ZDHHC8: variants seen among roughly 807,000 people sequenced by gnomAD.
ZDHHC8 encodes the protein zDHHC palmitoyltransferase 8, also known as palmitoyltransferase ZDHHC8.
A neutral mutation model predicts 61.2 loss-of-function variants in ZDHHC8; 24 were observed. The ratio of observed to expected loss-of-function variants is 0.39; its 90% CI spans 0.28 to 0.55. The LOEUF (loss-of-function observed/expected upper bound fraction) is 0.55, where lower values mean the gene tolerates loss of function less well. Ranked by LOEUF, ZDHHC8 falls within the 20% of genes least tolerant of loss-of-function variation. The pLI is 0.60. For synonymous variants in ZDHHC8, 523 were observed against 492.5 expected, an observed-to-expected ratio of 1.06 and a Z score of -0.82; for missense variants, 935 against 1,102.1, an observed-to-expected ratio of 0.85 and a Z score of 2.15.
At chr22:20,142,606 G>A in intron 9 of ZDHHC8, 150 bp from the exon 10 acceptor site, 1 of 1,042,494 alleles carries the variant, frequency 9.6e-7, no homozygotes, top group South Asian at 1.6e-5. Flanking sequence ...GATGCTCAGG[G>A]ACAGGGCCAT....
At chr22:20,136,062 G>A (rs1240770913) in intron 1 of ZDHHC8, among the ~76,000 whole-genome samples, 4 of 152,256 alleles carry the variant, frequency 2.6e-5, no homozygotes, top group South Asian at 4.1e-4. Context: ...GGTGGTGCAT[G>A]TCCCTGCCTG....
chr22:20,140,305 C>A (rs2050457063), intron 5 of ZDHHC8, 88 bp downstream of exon 5: 3 of 1,323,996 alleles, frequency 2.3e-6, no homozygotes, highest in Admixed American at 2.1e-5. Context: ...GGCACCCTTG[C>A]CTGAGGTAGC....
chr22:20,132,960 C>T (rs764175597), intron 1 of ZDHHC8, among the ~76,000 whole-genome samples: 7 of 152,198 alleles, frequency 4.6e-5, no homozygotes, highest in Non-Finnish European at 7.3e-5. Flanking sequence ...CCAGGTGGCA[C>T]GAACGATGGC....
chr22:20,145,121 G>C, intron 10 of ZDHHC8, 108 bp from the exon 11 acceptor site: 1 of 1,072,998 alleles, frequency 9.3e-7, no homozygotes, highest in South Asian at 2.1e-5. Context: ...CAACTCGGCT[G>C]CACTAGTCCA....
In ZDHHC8 at chr22:20,131,820, TCCGCCGCCG is replaced by T. The variant is rs545014283; in HGVS notation, c.-111_-103del. 2.7e-5 allele frequency: 7 copies of T among 259,926 alleles called. No individual in the cohort carries two copies. Among genetic ancestry groups the T allele is most frequent in the Non-Finnish European group, 4.1e-5 (7 of 170,470 alleles). 16.1% of individuals were successfully genotyped at this position (259,926 alleles called of 1,614,324 possible). A position where few individuals can be genotyped will look rare whatever the true frequency, so the allele number is the denominator to read the frequency against. On this transcript the variant is annotated 5_prime_UTR_variant, in exon 1 of 11. Coordinates refer to ENST00000334554, the MANE Select transcript of ZDHHC8 (RefSeq NM_013373.4). Reference sequence around the variant, plus strand: ...CCGCCGCCCGTGGGGTGGGATTTCCTCCGCCGCCGCCGCCGCCGCCGCCGCGGGTCCTGC... The same window carrying T: ...CCGCCGCCCGTGGGGTGGGATTTCCTCCGCCGCCGCCGCCGCGGGTCCTGC...
chr22:20,133,341 G>T (rs1408822393), intron 1 of ZDHHC8, among the ~76,000 whole-genome samples: 1 of 152,136 alleles, frequency 6.6e-6, no homozygotes, highest in Admixed American at 6.5e-5. Context: ...GCCCAGCCCA[G>T]TGCTGGTCCC....
intron 1 of ZDHHC8, among the ~76,000 whole-genome samples, chr22:20,137,672 C>T (rs1320118227): frequency 6.6e-6 from 1 of 152,262 alleles, no homozygotes. Flanking sequence ...CTCCACAGGC[C>T]CTGCCTCTCC....
Position 20,145,632 on chromosome 22 carries a change from G to A in ZDHHC8, c.*232G>A. The stretch of plus-strand genomic sequence containing the variant: ...TCACTGGGACAAGGGCCACTGGGCT[G>A]GTCTGTGTCTGGGCCTGTCCCATGG... On this transcript the variant is annotated 3_prime_UTR_variant, in exon 11 of 11. Coordinates refer to ENST00000334554, the MANE Select transcript of ZDHHC8 (RefSeq NM_013373.4). The A allele has an allele frequency of 8.4e-7, 1 of 1,193,964 alleles. No individual in the cohort carries two copies. The highest frequency in any genetic ancestry group is 1.0e-6 in the Non-Finnish European group (1 of 960,602). 74.0% of individuals were successfully genotyped at this position (1,193,964 alleles called of 1,614,324 possible).
rs201579380 is a variant in ZDHHC8 at position 20,143,472 on chromosome 22, C to T, written c.1842C>T (p.Pro614=). The part of the protein sequence containing the change: ...YGSRDDLVAG[P]GFGGARNPAL... ...CCAGAGACGACCTTGTGGCTGGGCC[C>T]GGCTTCGGTGGCGCCCGCAACCCTG... The change falls in exon 10 of 11, where the codon CCC becomes CCT. Residue 614 remains proline (P), a synonymous_variant. Coordinates refer to ENST00000334554, the MANE Select transcript of ZDHHC8 (RefSeq NM_013373.4). 2.1e-4 allele frequency: 329 copies of T among 1,600,348 alleles called. 1 individual carries two copies. Among genetic ancestry groups the T allele is most frequent in the South Asian group, 5.0e-4 (45 of 90,902 alleles).
At position 20,140,980 on chromosome 22, in the gene ZDHHC8, A is replaced by G; in HGVS notation, c.862A>G (p.Asn288Asp). The change falls in exon 7 of 11, where the codon AAC becomes GAC. Residue 288 changes from asparagine (N) to aspartate (D), a missense_variant. Physicochemically the swap from Asn to Asp is conservative, Grantham distance 23. This residue lies in a region of ZDHHC8 where 692 missense variants were observed against 731.4 expected (regional missense o/e 0.95). Coordinates refer to ENST00000334554, the MANE Select transcript of ZDHHC8 (RefSeq NM_013373.4). ...ACCGCTCAAGGTCAAGCTTAGTGAC[A>G]ACGGGCTGAAGGCTGGCCTGGGCCG... ...AAPLKVKLSD[N>D]GLKAGLGRSK... The G allele has an allele frequency of 6.2e-7, 1 of 1,611,238 alleles. No individual in the cohort carries two copies. The highest frequency in any genetic ancestry group is 8.5e-7 in the Non-Finnish European group (1 of 1,179,970).
rs369626280 is a variant in ZDHHC8, at chr22:20,137,362, C to T, written c.105-1832C>T. Among the ~76,000 whole-genome samples the T allele has an allele frequency of 2.8e-4, 42 of 152,346 alleles. 1 individual carries two copies. Among genetic ancestry groups the T allele is most frequent in the African/African-American group, 9.9e-4 (41 of 41,584 alleles). ...TGGGCGAACACACCCCCAAGGCCCC[C>T]GTTAGGGCCAGGAGGCAGGCTGGCA... On this transcript the variant is annotated intron_variant, in intron 1 of 10. Transcript: ENST00000334554.
At chr22:20,137,416 G>T (rs1000920566) in intron 1 of ZDHHC8, among the ~76,000 whole-genome samples, 7 of 152,266 alleles carry the variant, frequency 4.6e-5, no homozygotes, top group African/African-American at 1.7e-4. Flanking sequence ...GGGCCCCGAG[G>T]CTTCCATCCT....
In ZDHHC8 at chr22:20,136,725, T is replaced by C. The variant is rs1027515301; in HGVS notation, c.105-2469T>C. 2.6e-5 allele frequency among the ~76,000 whole-genome samples: 4 copies of C among 152,190 alleles called. No homozygotes were observed. The East Asian group carries it at 5.8e-4, about 22-fold the overall frequency. On this transcript the variant is annotated intron_variant, in intron 1 of 10. Transcript: ENST00000334554. Reference sequence around the variant, plus strand: ...GCATGCAAGTGTTCATGCATGTATATGTGTTTTGTATGCAGACATGATTGC... The same window carrying C: ...GCATGCAAGTGTTCATGCATGTATACGTGTTTTGTATGCAGACATGATTGC...
chr22:20,146,981 C>T lies in ZDHHC8; in HGVS notation c.*1581C>T. On this transcript the variant is annotated 3_prime_UTR_variant, in exon 11 of 11. Coordinates refer to ENST00000334554, the MANE Select transcript of ZDHHC8 (RefSeq NM_013373.4). ...GCTGTAGGGCCCCGAAGCTGACCTC[C>T]ACCTTTCTGCTTCTCTCTCACGGAC... The T allele has an allele frequency of 2.2e-6, 3 of 1,386,092 alleles. 1 individual carries two copies. The highest frequency in any genetic ancestry group is 3.3e-5 in the South Asian group (2 of 60,360). 85.9% of individuals were successfully genotyped at this position (1,386,092 alleles called of 1,614,324 possible). A position where few individuals can be genotyped will look rare whatever the true frequency, so the allele number is the denominator to read the frequency against.
At chr22:20,137,019 G>GA (rs1568991656) in intron 1 of ZDHHC8, among the ~76,000 whole-genome samples, 1 of 152,360 alleles carries the variant, frequency 6.6e-6, no homozygotes, top group East Asian at 1.9e-4. Flanking sequence ...GGGGACTACA[G>GA]AGAGGACAGT....
chr22:20,138,697 T>C (rs2050441625), intron 1 of ZDHHC8, among the ~76,000 whole-genome samples: 1 of 152,098 alleles, frequency 6.6e-6, no homozygotes, highest in Non-Finnish European at 1.5e-5. Flanking sequence ...TGTGCCTGAC[T>C]GGGAAGAGTA....
At position 20,146,764 on chromosome 22, in the gene ZDHHC8, A is replaced by C; in HGVS notation, c.*1364A>C. On this transcript the variant is annotated 3_prime_UTR_variant, in exon 11 of 11. Transcript: ENST00000334554. Reference sequence around the variant, plus strand: ...CACAGGGGACTCTCAGGAACCCGAGAGCTTGGGGAGATGAAATGGGGGTGC... The same window carrying C: ...CACAGGGGACTCTCAGGAACCCGAGCGCTTGGGGAGATGAAATGGGGGTGC... 1 of 1,218,252 alleles carries C rather than the reference A, an allele frequency of 8.2e-7. No homozygotes were observed. The highest frequency in any genetic ancestry group is 1.0e-6 in the Non-Finnish European group (1 of 979,604). 75.5% of individuals were successfully genotyped at this position (1,218,252 alleles called of 1,614,324 possible).
intron 1 of ZDHHC8, among the ~76,000 whole-genome samples, chr22:20,133,310 C>T (rs2050393598): frequency 6.6e-6 from 1 of 152,068 alleles, no homozygotes; most frequent in African/African-American, 2.4e-5. Flanking sequence ...ACACATCCCA[C>T]CAAGGCTTCT....
At chr22:20,141,095 T>G (rs1602572173) in intron 7 of ZDHHC8, 83 bp downstream of exon 7, 2 of 1,595,450 alleles carry the variant, frequency 1.3e-6, no homozygotes, top group East Asian at 2.2e-5. Flanking sequence ...CTAGAAGAGG[T>G]GGATGGGGCA....
Sources: gnomAD v4.1 joint callset for allele counts (sites outside exome capture counted in the v4.1 genomes callset) on GRCh38, gnomAD v4.1.1 for gene constraint, gnomAD v4.1.1 regional missense constraint, MANE v1.5 for transcripts, NCBI Gene and HGNC (gene_info 2026-07-23, HGNC 2026-07-21) for gene names.